TRHDE: variants seen among roughly 807,000 people sequenced by gnomAD.
The protein encoded by TRHDE is thyrotropin releasing hormone degrading enzyme.
Under a neutral mutation model 125.7 loss-of-function variants are expected in TRHDE, and 72 were observed. That is an observed-to-expected ratio of 0.57 (90% CI 0.47 to 0.70). The LOEUF is 0.70. Among genes scored for constraint, TRHDE ranks in the 30% least tolerant of loss-of-function variants. The pLI is 0.00. For missense variants in TRHDE, 1,110 were observed against 1,327.1 expected, an observed-to-expected ratio of 0.84 and a Z score of 2.54; for synonymous variants, 509 against 509.1, an observed-to-expected ratio of 1.00 and a Z score of 0.00.
intron 3 of TRHDE, among the ~76,000 whole-genome samples, chr12:72,403,549 G>A (rs1873135938): frequency 6.6e-6 from 1 of 152,074 alleles, no homozygotes; most frequent in Admixed American, 6.6e-5. Context: ...AAGCTTGCCT[G>A]GGATCCCTGG....
chr12:72,508,407 G>C (rs1216071543), intron 6 of TRHDE, among the ~76,000 whole-genome samples: 1 of 152,216 alleles, frequency 6.6e-6, no homozygotes, highest in Non-Finnish European at 1.5e-5. Context: ...GTGTGAGCTG[G>C]ATGTAAGACA....
At chr12:72,553,248 G>GTACATTTTTCAGTTGAAGAA (rs1869760622) in intron 7 of TRHDE, among the ~76,000 whole-genome samples, 1 of 152,110 alleles carries the variant, frequency 6.6e-6, no homozygotes, top group Non-Finnish European at 1.5e-5. Flanking sequence ...TCAGCTGTAT[G>GTACATTTTTCAGTTGAAGAA]ATTACAGGTT....
At chr12:72,334,078 G>T (rs1869724020) in intron 2 of TRHDE, among the ~76,000 whole-genome samples, 1 of 151,996 alleles carries the variant, frequency 6.6e-6, no homozygotes, top group African/African-American at 2.4e-5. Context: ...AGAGAGAAGA[G>T]CAGCAGTGGC....
intron 2 of TRHDE, among the ~76,000 whole-genome samples, chr12:72,219,266 C>T (rs1877957189): frequency 6.6e-6 from 1 of 151,632 alleles, no homozygotes; most frequent in South Asian, 2.1e-4. Flanking sequence ...TGCCAGTGGC[C>T]AAAACTGTTT....
At chr12:72,397,011 C>A (rs527666321) in intron 3 of TRHDE, among the ~76,000 whole-genome samples, 6 of 152,164 alleles carry the variant, frequency 3.9e-5, no homozygotes, top group Non-Finnish European at 8.8e-5. Context: ...TCTTCACGTC[C>A]GACCTCTGTG....
At chr12:72,226,914 C>A (rs1486751979) in intron 2 of TRHDE, among the ~76,000 whole-genome samples, 1 of 152,102 alleles carries the variant, frequency 6.6e-6, no homozygotes, top group Non-Finnish European at 1.5e-5. Context: ...TACTTGAACT[C>A]AATAGGCTGA....
At chr12:72,184,453 T>C (rs1219415809) in intron 2 of TRHDE, among the ~76,000 whole-genome samples, 1 of 152,166 alleles carries the variant, frequency 6.6e-6, no homozygotes, top group African/African-American at 2.4e-5. Flanking sequence ...TGTTTTTTAA[T>C]GGGGCATCTT....
chr12:72,268,305 T>A (rs7137961), upstream of TRHDE, among the ~76,000 whole-genome samples: 15,606 of 152,120 alleles, frequency 0.1, 2,470 homozygotes, highest in African/African-American at 0.34. Flanking sequence ...TTTTATAAAA[T>A]TTACCCATTA....
intron 6 of TRHDE, among the ~76,000 whole-genome samples, chr12:72,500,096 A>AGTT (rs1878084748): frequency 6.6e-6 from 1 of 152,208 alleles, no homozygotes; most frequent in Non-Finnish European, 1.5e-5. Context: ...TGAAAATTAA[A>AGTT]CATTTCCTGA....
chr12:72,264,976 A>C (rs1879032681), intron 2 of TRHDE, among the ~76,000 whole-genome samples: 1 of 151,456 alleles, frequency 6.6e-6, no homozygotes, highest in South Asian at 2.1e-4. Flanking sequence ...TATTTTCAAG[A>C]GTTAATAATT....
chr12:72,089,314 C>T lies in TRHDE; in HGVS notation n.174+1875C>T, dbSNP rs554788086. Among the ~76,000 whole-genome samples the T allele has an allele frequency of 7.8e-4, 118 of 152,248 alleles. 1 individual carries two copies. The highest frequency in any genetic ancestry group is 2.3e-3 in the African/African-American group (97 of 41,552). On this transcript the variant is annotated intron_variant and non_coding_transcript_variant, in intron 1 of 4. Transcript: ENST00000548156. ...AGCCTGCCAGAGAGATCTTTAAAGA[C>T]GTAGGTCAGATTGTATCACTCTTTT...
intron 1 of TRHDE, among the ~76,000 whole-genome samples, chr12:72,094,627 G>T (rs942707740): frequency 1.3e-5 from 2 of 152,232 alleles, no homozygotes; most frequent in Non-Finnish European, 2.9e-5. Context: ...ACCACTTCAG[G>T]GTCCTAGCTG....
intron 2 of TRHDE, among the ~76,000 whole-genome samples, chr12:72,231,275 G>T (rs1402125111): frequency 6.6e-6 from 1 of 152,054 alleles, no homozygotes; most frequent in Non-Finnish European, 1.5e-5. Context: ...CTGGGATCAG[G>T]TTTTTATAGG....
At chr12:72,553,278 G>C (rs1346876392) in intron 7 of TRHDE, among the ~76,000 whole-genome samples, 1 of 152,070 alleles carries the variant, frequency 6.6e-6, no homozygotes, top group Non-Finnish European at 1.5e-5. Context: ...TAAATACTTG[G>C]ATTCCTCCAG....
At chr12:72,380,306 A>G (rs2135778552) in intron 3 of TRHDE, among the ~76,000 whole-genome samples, 1 of 152,344 alleles carries the variant, frequency 6.6e-6, no homozygotes, top group East Asian at 1.9e-4. Context: ...TTTTAGGTGA[A>G]GACAGACATT....
In TRHDE at chr12:72,273,841, C is replaced by A; in HGVS notation, c.914+284C>A. ...CCTCTTCCTGTCAGAGTTCCTTAGCCATCGAAACGCAGGGCTCTTTTTCTG... is the reference window on the plus strand; with the variant it reads ...CCTCTTCCTGTCAGAGTTCCTTAGCAATCGAAACGCAGGGCTCTTTTTCTG... On this transcript the variant is annotated intron_variant, in intron 1 of 18. Coordinates refer to ENST00000261180, the MANE Select transcript of TRHDE (RefSeq NM_013381.3). The surrounding 1 kb of genome is among the most constrained non-coding windows in gnomAD (Gnocchi z 5.3). 2.6e-6 allele frequency: 1 copy of A among 387,680 alleles called. No individual in the cohort carries two copies. The highest frequency in any genetic ancestry group is 4.6e-6 in the Non-Finnish European group (1 of 215,368). 24.0% of individuals were successfully genotyped at this position (387,680 alleles called of 1,614,324 possible).
Position 72,326,329 on chromosome 12 carries a change from C to T in TRHDE, c.1188+39375C>T, listed in dbSNP as rs1230101569. On this transcript the variant is annotated intron_variant, in intron 2 of 18. Transcript: ENST00000261180. ...AAACCAAATGCCTCATGTTCTCACT[C>T]ATAAGTGGGAGTTGAACAATGAGAA... Among the ~76,000 whole-genome samples the T allele has an allele frequency of 2.0e-5, 3 of 151,992 alleles. 1 individual carries two copies. The highest frequency in any genetic ancestry group is 7.3e-5 in the African/African-American group (3 of 41,376).
intron 2 of TRHDE, among the ~76,000 whole-genome samples, chr12:72,231,359 T>C (rs1240364975): frequency 6.6e-6 from 1 of 152,168 alleles, no homozygotes; most frequent in East Asian, 1.9e-4. Context: ...TTGAAAAACA[T>C]ATTATGCAGT....
At chr12:72,185,850 A>G (rs1877196831) in intron 2 of TRHDE, among the ~76,000 whole-genome samples, 2 of 150,564 alleles carry the variant, frequency 1.3e-5, no homozygotes, top group Admixed American at 1.3e-4. Flanking sequence ...GTTTAGCTCA[A>G]GGTTTGTGAA....
Sources: allele counts gnomAD v4.1 joint callset (sites outside exome capture counted in the v4.1 genomes callset), GRCh38; gene constraint gnomAD v4.1.1; non-coding constraint Gnocchi (gnomAD v3.1); transcripts MANE v1.5; gene names NCBI Gene and HGNC (gene_info 2026-07-23, HGNC 2026-07-21).